Variants in MAPK10 observed in about 807,000 individuals in gnomAD.
MAPK10 encodes JNK3 alpha protein kinase.
MAPK10 carries 25 observed loss-of-function variants against 59.3 expected under a neutral mutation model. The observed-to-expected ratio is 0.42, with a 90% CI of 0.31 to 0.59. The LOEUF (loss-of-function observed/expected upper bound fraction) is 0.59, where lower values mean the gene tolerates loss of function less well. Among genes scored for constraint, MAPK10 ranks in the 20% least tolerant of loss-of-function variants. The pLI, the probability that MAPK10 is intolerant of heterozygous loss-of-function variation, is 0.15. For missense variants in MAPK10, 351 were observed against 568.9 expected (o/e 0.62, Z 3.90); for synonymous variants, 190 against 200.5 (o/e 0.95, Z 0.44).
chr4:86,144,016 T>C (rs1434652394), intron 4 of MAPK10, among the ~76,000 whole-genome samples: 1 of 152,176 alleles, frequency 6.6e-6, no homozygotes, highest in African/African-American at 2.4e-5. Flanking sequence ...AATTGCTAAA[T>C]ATTTTTTGAA....
At chr4:86,351,390 TACACAAACACACAC>T (rs1313002491) in intron 2 of MAPK10, among the ~76,000 whole-genome samples, 4 of 110,320 alleles carry the variant, frequency 3.6e-5, no homozygotes, top group African/African-American at 1.2e-4. Context: ...ACAGTGTGTA[TACACAAACACACAC>T]ACACACACAC....
intron 2 of MAPK10, among the ~76,000 whole-genome samples, chr4:86,252,591 T>G (rs2148716645): frequency 1.5e-5 from 2 of 136,938 alleles, no homozygotes; most frequent in Non-Finnish European, 3.1e-5. Flanking sequence ...TAGTATAGTT[T>G]GAAGTCAGGT....
At chr4:86,063,343 T>C (rs1382408874) in intron 11 of MAPK10, among the ~76,000 whole-genome samples, 1 of 152,178 alleles carries the variant, frequency 6.6e-6, no homozygotes, top group Admixed American at 6.5e-5. Flanking sequence ...AAACAAACAG[T>C]ATTTCAAATG....
rs201294593 is a variant in MAPK10, at chr4:86,030,018, A to G, written c.1175-744T>C. 9.2e-5 allele frequency among the ~76,000 whole-genome samples: 14 copies of G among 152,262 alleles called. No individual in the cohort carries two copies. In the East Asian group the frequency reaches 2.7e-3, roughly 29 times the overall value. On this transcript the variant is annotated intron_variant, in intron 12 of 13. Transcript: ENST00000641462. ...TCCGCCCTACTCATTCTTGCTTTGCAATGGCTTATAATCTGTATAATCATC... is the reference window on the plus strand; with the variant it reads ...TCCGCCCTACTCATTCTTGCTTTGCGATGGCTTATAATCTGTATAATCATC...
intron 1 of MAPK10, among the ~76,000 whole-genome samples, chr4:86,422,371 A>G (rs1392946358): frequency 6.6e-6 from 1 of 152,230 alleles, no homozygotes; most frequent in Admixed American, 6.5e-5. Flanking sequence ...AGAGAAGGCA[A>G]TGCCTAACAT....
chr4:86,345,371 C>T (rs1727518701), intron 2 of MAPK10, among the ~76,000 whole-genome samples: 1 of 152,186 alleles, frequency 6.6e-6, no homozygotes, highest in Admixed American at 6.5e-5. Context: ...TTACAATTCT[C>T]TCATATACAG....
At chr4:86,427,361 C>A (rs1747432117) in intron 1 of MAPK10, among the ~76,000 whole-genome samples, 1 of 152,100 alleles carries the variant, frequency 6.6e-6, no homozygotes, top group Non-Finnish European at 1.5e-5. Context: ...GCAACGTTCA[C>A]CTTTGGTAGC....
chr4:86,581,945 ATATT>A (rs1762343685), intron 1 of MAPK10, among the ~76,000 whole-genome samples: 3 of 102,590 alleles, frequency 2.9e-5, no homozygotes, highest in African/African-American at 1.1e-4. Context: ...ATATATATAT[ATATT>A]CTAATACTGC....
intron 9 of MAPK10, among the ~76,000 whole-genome samples, chr4:86,069,747 T>A (rs2047431717): frequency 2.0e-5 from 3 of 152,236 alleles, no homozygotes; most frequent in South Asian, 4.1e-4. Context: ...AACCACTCGA[T>A]GTCAAACTTA....
At chr4:86,113,586 T>C (rs189609283) in intron 4 of MAPK10, among the ~76,000 whole-genome samples, 20 of 152,328 alleles carry the variant, frequency 1.3e-4, no homozygotes, top group Admixed American at 1.3e-3. Flanking sequence ...AGAGGTCTGT[T>C]GTTAGTCTGA....
upstream of MAPK10, among the ~76,000 whole-genome samples, chr4:86,360,446 A>G (rs1464991136): frequency 6.6e-6 from 1 of 152,204 alleles, no homozygotes; most frequent in Non-Finnish European, 1.5e-5. Flanking sequence ...TAAACGTCAA[A>G]CAAGTAAGAG....
intron 1 of MAPK10, among the ~76,000 whole-genome samples, chr4:86,581,245 C>T (rs1762239749): frequency 6.6e-6 from 1 of 151,438 alleles, no homozygotes; most frequent in South Asian, 2.1e-4. Flanking sequence ...TGGACATACC[C>T]TTGTCTGAAA....
intron 1 of MAPK10, among the ~76,000 whole-genome samples, chr4:86,518,255 T>G (rs1756852155): frequency 6.6e-6 from 1 of 152,212 alleles, no homozygotes; most frequent in African/African-American, 2.4e-5. Context: ...AATCCTGGCC[T>G]CAAGTGATCT....
At chr4:86,384,308 T>TGCC (rs1741174434) in intron 1 of MAPK10, 1 of 152,004 alleles carries the variant, frequency 6.6e-6, no homozygotes, top group East Asian at 1.9e-4. Flanking sequence ...AACAGAAAGG[T>TGCC]TTGTGTATTC....
chr4:86,214,348 C>T lies in MAPK10; in HGVS notation c.-6-19941G>A, dbSNP rs115644342. 3.6e-3 allele frequency among the ~76,000 whole-genome samples: 547 copies of T among 151,770 alleles called. 9 individuals are homozygous for T. The highest frequency in any genetic ancestry group is 0.013 in the African/African-American group (527 of 41,438). On this transcript the variant is annotated intron_variant, in intron 2 of 13. Coordinates refer to ENST00000641462, the MANE Select transcript of MAPK10 (RefSeq NM_138982.4). ...CAAGGTAAGGATGTTCACTTTTACA[C>T]CTTCTATTCAACAAATTTCTAGAAG... is the stretch of plus-strand genomic sequence containing the variant.
At position 86,170,795 on chromosome 4, in the gene MAPK10, C is replaced by T. The variant is rs1043054202; in HGVS notation, c.67-11328G>A. Among the ~76,000 whole-genome samples the T allele has an allele frequency of 9.3e-5, 14 of 150,774 alleles. 1 individual carries two copies. The highest frequency in any genetic ancestry group is 2.5e-4 in the African/African-American group (10 of 40,320). ...CATTTTTTTCAGCGCCACACCACAC[C>T]TATTCCAAAATTGACCACATAGTTG... On this transcript the variant is annotated intron_variant, in intron 3 of 13. Coordinates refer to ENST00000641462, the MANE Select transcript of MAPK10 (RefSeq NM_138982.4).
chr4:86,339,788 G>T (rs573845847), intron 2 of MAPK10, among the ~76,000 whole-genome samples: 2 of 152,224 alleles, frequency 1.3e-5, no homozygotes, highest in African/African-American at 4.8e-5. Flanking sequence ...CCCAAAATAA[G>T]TTCTCCATAA....
At chr4:86,263,306 T>C (rs2094092004) in intron 2 of MAPK10, among the ~76,000 whole-genome samples, 1 of 152,212 alleles carries the variant, frequency 6.6e-6, no homozygotes, top group Non-Finnish European at 1.5e-5. Flanking sequence ...GGAATACCTT[T>C]TCTTTAGCTA....
intron 4 of MAPK10, among the ~76,000 whole-genome samples, chr4:86,126,645 A>C (rs959379796): frequency 1.3e-5 from 2 of 152,058 alleles, no homozygotes; most frequent in Non-Finnish European, 2.9e-5. Flanking sequence ...TATTTTTCCC[A>C]AAGGTCCTAA....
Sources: allele counts gnomAD v4.1 joint callset (sites outside exome capture counted in the v4.1 genomes callset), GRCh38; gene constraint gnomAD v4.1.1; transcripts MANE v1.5; gene names NCBI Gene and HGNC (gene_info 2026-07-23, HGNC 2026-07-21).